Variants in COL13A1 observed in about 807,000 individuals in gnomAD.
COL13A1 encodes collagen alpha-1(XIII) chain.
Under a neutral mutation model 130.9 loss-of-function variants are expected in COL13A1, and 89 were observed. The ratio of observed to expected loss-of-function variants is 0.68; its 90% CI spans 0.57 to 0.81. COL13A1 has a LOEUF of 0.81. Among genes scored for constraint, COL13A1 ranks in the 30% least tolerant of loss-of-function variants. The pLI, the probability that COL13A1 is intolerant of heterozygous loss-of-function variation, is 0.00. For missense variants in COL13A1, 879 were observed against 934.6 expected (o/e 0.94, Z 0.78); for synonymous variants, 402 against 341.6 (o/e 1.18, Z -1.95).
intron 2 of COL13A1, among the ~76,000 whole-genome samples, chr10:69,853,722 G>C (rs930618904): frequency 3.3e-5 from 5 of 152,174 alleles, no homozygotes; most frequent in Non-Finnish European, 7.3e-5. Flanking sequence ...TTTAAACGCA[G>C]CCATGTTAAA....
Position 69,840,328 on chromosome 10 carries a change from G to A in COL13A1, c.364+17890G>A, listed in dbSNP as rs537419517. ...AAGGAGCCCGGTGACTCGGTGACTC[G>A]GGGTCCTTTAAGTTGCGTGTCCCCC... On this transcript the variant is annotated intron_variant, in intron 2 of 40. Coordinates refer to ENST00000645393, the MANE Select transcript of COL13A1 (RefSeq NM_001368882.1). 5.9e-5 allele frequency among the ~76,000 whole-genome samples: 9 copies of A among 152,272 alleles called. No individual in the cohort carries two copies. In the South Asian group the frequency reaches 1.9e-3, roughly 32 times the overall value.
chr10:69,839,194 G>T (rs895273068), intron 2 of COL13A1, among the ~76,000 whole-genome samples: 1 of 152,154 alleles, frequency 6.6e-6, no homozygotes, highest in Non-Finnish European at 1.5e-5. Context: ...TCGTTCGTTC[G>T]TTCAACAAAT....
intron 12 of COL13A1, 111 bp downstream of exon 12, chr10:69,894,812 C>T (rs925029955): frequency 1.7e-5 from 24 of 1,433,758 alleles, no homozygotes; most frequent in Admixed American, 1.2e-4. Flanking sequence ...TTGACAGAAC[C>T]AGGAAAGCCC....
In COL13A1 at chr10:69,904,967, T is replaced by C. The variant is rs369265018; in HGVS notation, c.885+8T>C. 14 of 1,559,886 alleles carry C rather than the reference T, an allele frequency of 9.0e-6. No individual in the cohort carries two copies. Among genetic ancestry groups the C allele is most frequent in the Admixed American group, 1.9e-5 (1 of 52,246 alleles). Reference sequence around the variant, plus strand: ...GGGCCTCCTGGACCAAAGGTGAGTGTCCTTCTGGGTGATGTGTTGAACAGG... The same window carrying C: ...GGGCCTCCTGGACCAAAGGTGAGTGCCCTTCTGGGTGATGTGTTGAACAGG... On this transcript the variant is annotated splice_region_variant and intron_variant, in intron 16 of 40. Transcript: ENST00000645393.
At chr10:69,832,383 C>T (rs1277833788) in intron 2 of COL13A1, among the ~76,000 whole-genome samples, 4 of 152,206 alleles carry the variant, frequency 2.6e-5, no homozygotes, top group African/African-American at 9.7e-5. Flanking sequence ...AAGCCACCTA[C>T]CCTCTCTGAA....
chr10:69,876,354 C>A (rs539068381), intron 5 of COL13A1, among the ~76,000 whole-genome samples: 2 of 152,316 alleles, frequency 1.3e-5, no homozygotes, highest in East Asian at 1.9e-4. Flanking sequence ...CCACCCACCC[C>A]CACTGGCCTT....
At chr10:69,924,824 C>T (rs1234054952) in intron 24 of COL13A1, 139 bp from the exon 25 acceptor site, 1 of 773,224 alleles carries the variant, frequency 1.3e-6, no homozygotes. Flanking sequence ...TGGATGTTTC[C>T]TGAAGGGGTG....
chr10:69,853,019 G>A (rs1855387030), intron 2 of COL13A1, among the ~76,000 whole-genome samples: 1 of 152,178 alleles, frequency 6.6e-6, no homozygotes, highest in South Asian at 2.1e-4. Flanking sequence ...CGGGGGAGCG[G>A]GGGGAGGTAT....
intron 2 of COL13A1, among the ~76,000 whole-genome samples, chr10:69,823,590 A>G (rs915900046): frequency 6.6e-6 from 1 of 152,218 alleles, no homozygotes; most frequent in African/African-American, 2.4e-5. Flanking sequence ...CAGGTCCCCA[A>G]GCCAGGGAAG....
intron 1 of COL13A1, among the ~76,000 whole-genome samples, chr10:69,803,337 A>C (rs1840580097): frequency 6.6e-6 from 1 of 152,178 alleles, no homozygotes; most frequent in Non-Finnish European, 1.5e-5. Flanking sequence ...TTTTCTGGAG[A>C]AAGGATGCTT....
intron 32 of COL13A1, among the ~76,000 whole-genome samples, chr10:69,936,084 G>T (rs550672443): frequency 1.7e-5 from 2 of 120,022 alleles, no homozygotes; most frequent in South Asian, 3.6e-4. Context: ...AGGGAGGGAG[G>T]GAGGGAAGGA....
chr10:69,866,447 C>T (rs1294342732), intron 2 of COL13A1, among the ~76,000 whole-genome samples: 1 of 152,260 alleles, frequency 6.6e-6, no homozygotes, highest in African/African-American at 2.4e-5. Flanking sequence ...GGACATCTCC[C>T]CCAGCCAGGA....
At chr10:69,939,477 C>A (rs764724050) in intron 34 of COL13A1, among the ~76,000 whole-genome samples, 3 of 152,230 alleles carry the variant, frequency 2.0e-5, no homozygotes, top group Non-Finnish European at 4.4e-5. Context: ...CCTCTCAAGA[C>A]AACTGAGTTT....
At chr10:69,855,994 A>G (rs1314481074) in intron 2 of COL13A1, among the ~76,000 whole-genome samples, 1 of 152,206 alleles carries the variant, frequency 6.6e-6, no homozygotes, top group Non-Finnish European at 1.5e-5. Context: ...GCAAGGATTG[A>G]CTGAGCCCAC....
chr10:69,898,709 C>G lies in COL13A1; in HGVS notation c.697C>G (p.Leu233Val). The change falls in exon 14 of 41, where the codon CTC becomes GTC. Residue 233 changes from leucine to valine, a missense_variant. By Grantham distance (32) the Leu-to-Val change is conservative (BLOSUM62 1). This residue lies in a region of COL13A1 where 715 missense variants were observed against 721.0 expected (regional missense o/e 0.99). Coordinates refer to ENST00000645393, the MANE Select transcript of COL13A1 (RefSeq NM_001368882.1). ...TCTTTCTCCTCAGCTGCTGCCTCTC[C>G]TCAATTCAGTGCGACTGGCTCCACC... ...GEYPHRLLPL[L>V]NSVRLAPPPV... The G allele has an allele frequency of 3.1e-6, 5 of 1,613,612 alleles. No homozygotes were observed. The highest frequency in any genetic ancestry group is 4.2e-6 in the Non-Finnish European group (5 of 1,179,718).
intron 34 of COL13A1, among the ~76,000 whole-genome samples, chr10:69,939,752 T>C (rs1020741352): frequency 2.0e-5 from 3 of 152,232 alleles, no homozygotes; most frequent in African/African-American, 7.2e-5. Flanking sequence ...CCCAGGCATC[T>C]GTTTTATTTA....
intron 24 of COL13A1, among the ~76,000 whole-genome samples, chr10:69,924,481 C>T (rs1589552560): frequency 6.6e-6 from 1 of 152,168 alleles, no homozygotes; most frequent in Admixed American, 6.5e-5. Context: ...CCTCCTGAGA[C>T]CCTCCTGGCC....
intron 1 of COL13A1, among the ~76,000 whole-genome samples, chr10:69,804,427 A>G (rs947418702): frequency 2.0e-5 from 3 of 152,074 alleles, no homozygotes; most frequent in South Asian, 2.1e-4. Flanking sequence ...TAACTATTGT[A>G]TCCGACATGC....
At chr10:69,902,375 A>G (rs1323116648) in intron 14 of COL13A1, among the ~76,000 whole-genome samples, 2 of 152,196 alleles carry the variant, frequency 1.3e-5, no homozygotes, top group Admixed American at 1.3e-4. Context: ...GGAGGGTGAC[A>G]GAGGCAGGCC....
Sources: allele counts gnomAD v4.1 joint callset (sites outside exome capture counted in the v4.1 genomes callset), GRCh38; gene constraint gnomAD v4.1.1; regional missense constraint gnomAD v4.1.1; transcripts MANE v1.5; gene names NCBI Gene and HGNC (gene_info 2026-07-23, HGNC 2026-07-21).